Variants in ACOXL observed in about 807,000 individuals in gnomAD.
ACOXL encodes the protein acyl-CoA oxidase like.
In ACOXL, 70 loss-of-function variants were observed where a neutral mutation model predicts 71.9. That is an observed-to-expected ratio of 0.97 (90% CI 0.80 to 1.19). The LOEUF is 1.19. Ranked by LOEUF, ACOXL falls within the 50% of genes most tolerant of loss-of-function variation. The pLI, the probability that ACOXL is intolerant of heterozygous loss-of-function variation, is 0.00. For missense variants in ACOXL, 703 were observed against 736.3 expected, an observed-to-expected ratio of 0.95 and a Z score of 0.52; for synonymous variants, 253 against 281.6, an observed-to-expected ratio of 0.90 and a Z score of 1.02.
chr2:110,868,240 A>G (rs1364307043), intron 10 of ACOXL, among the ~76,000 whole-genome samples: 1 of 152,232 alleles, frequency 6.6e-6, no homozygotes, highest in Non-Finnish European at 1.5e-5. Flanking sequence ...GAGTTTCTAA[A>G]TGAAACTTAC....
At chr2:110,859,458 G>A (rs529290929) in intron 10 of ACOXL, among the ~76,000 whole-genome samples, 1 of 152,294 alleles carries the variant, frequency 6.6e-6, no homozygotes, top group East Asian at 1.9e-4. Context: ...AGAAAACACA[G>A]ACAATCTATT....
At chr2:110,773,505 A>C (rs1261307766) in intron 2 of ACOXL, among the ~76,000 whole-genome samples, 1 of 152,110 alleles carries the variant, frequency 6.6e-6, no homozygotes, top group Non-Finnish European at 1.5e-5. Context: ...GTTGCCCACA[A>C]CTTCCAGTGC....
intron 14 of ACOXL, among the ~76,000 whole-genome samples, chr2:111,009,453 G>T (rs1274187132): frequency 6.6e-6 from 1 of 151,166 alleles, no homozygotes; most frequent in Non-Finnish European, 1.5e-5. Context: ...GGTGGAGGTT[G>T]CAGTGAGCCA....
At chr2:110,890,756 A>G (rs1697836572) in intron 10 of ACOXL, among the ~76,000 whole-genome samples, 1 of 151,942 alleles carries the variant, frequency 6.6e-6, no homozygotes, top group South Asian at 2.1e-4. Context: ...GTCTTTCAAC[A>G]TTATTCTTTT....
chr2:111,078,397 G>A (rs2067715603), intron 16 of ACOXL, among the ~76,000 whole-genome samples: 2 of 152,054 alleles, frequency 1.3e-5, no homozygotes, highest in African/African-American at 2.4e-5. Flanking sequence ...CCAAGTAGCT[G>A]GGATTGCAGG....
chr2:110,944,895 G>C (rs1172621156), intron 12 of ACOXL, among the ~76,000 whole-genome samples: 2 of 152,198 alleles, frequency 1.3e-5, no homozygotes, highest in African/African-American at 2.4e-5. Flanking sequence ...TGGTAATTCT[G>C]TTTTAAGTTC....
intron 17 of ACOXL, among the ~76,000 whole-genome samples, chr2:111,103,156 G>C (rs933515699): frequency 6.6e-6 from 1 of 152,104 alleles, no homozygotes; most frequent in African/African-American, 2.4e-5. Context: ...TTAGCCAGGC[G>C]TGGTGGCATG....
At chr2:110,872,976 A>G (rs1295401692) in intron 10 of ACOXL, among the ~76,000 whole-genome samples, 1 of 152,206 alleles carries the variant, frequency 6.6e-6, no homozygotes, top group Non-Finnish European at 1.5e-5. Context: ...TATATTTTGT[A>G]GTAAAAACTT....
At chr2:111,107,855 G>C (rs769675273) in intron 17 of ACOXL, among the ~76,000 whole-genome samples, 29 of 152,320 alleles carry the variant, frequency 1.9e-4, no homozygotes, top group Admixed American at 3.3e-4. Flanking sequence ...GAGTTCGTTT[G>C]GGCCCAGATC....
At chr2:110,815,512 A>G (rs1184559891) in intron 9 of ACOXL, among the ~76,000 whole-genome samples, 1 of 152,180 alleles carries the variant, frequency 6.6e-6, no homozygotes, top group African/African-American at 2.4e-5. Context: ...AAACTTCAAT[A>G]CAGGGACCTT....
intron 10 of ACOXL, among the ~76,000 whole-genome samples, chr2:110,880,493 T>C (rs1256422058): frequency 1.3e-5 from 2 of 152,230 alleles, no homozygotes; most frequent in Non-Finnish European, 2.9e-5. Flanking sequence ...CACTTCTGTT[T>C]TTATGCTTTT....
chr2:111,062,723 C>A (rs2066880046), intron 16 of ACOXL, among the ~76,000 whole-genome samples: 1 of 151,884 alleles, frequency 6.6e-6, no homozygotes, highest in African/African-American at 2.4e-5. Flanking sequence ...AAGTTTCAAA[C>A]CAGTGACCTA....
At position 110,950,710 on chromosome 2, in the gene ACOXL, A is replaced by G. The variant is rs549731719; in HGVS notation, c.1059+17068A>G. 6.6e-5 allele frequency among the ~76,000 whole-genome samples: 10 copies of G among 152,236 alleles called. No individual in the cohort carries two copies. In the East Asian group the frequency reaches 9.7e-4, roughly 15 times the overall value. On this transcript the variant is annotated intron_variant, in intron 12 of 17. Coordinates refer to ENST00000439055, the MANE Select transcript of ACOXL (RefSeq NM_001142807.4). ...ACTTCTGAATTTGTGATCATCTTAC[A>G]TCTTAGTTAAGATTATTTTGGATGC...
chr2:111,019,731 C>T (rs2064653811), intron 14 of ACOXL, among the ~76,000 whole-genome samples: 1 of 152,232 alleles, frequency 6.6e-6, no homozygotes, highest in Admixed American at 6.5e-5. Context: ...TGGAAGACAG[C>T]GTGCGTGAAA....
intron 10 of ACOXL, among the ~76,000 whole-genome samples, chr2:110,898,656 T>C (rs1384171963): frequency 6.6e-6 from 1 of 152,222 alleles, no homozygotes; most frequent in African/African-American, 2.4e-5. Context: ...AAGGACTGAA[T>C]TATTTCCCTT....
In ACOXL at chr2:110,915,366, GTGTGTGTGTGTGTGTATGTA is replaced by G. The variant is rs1438749649; in HGVS notation, c.905+6479_905+6498del. ...TATATATATATGTGTGTGTGTGTGT[GTGTGTGTGTGTGTGTATGTA>G]TGTGTGTGTGTGTGTATATACATAT... On this transcript the variant is annotated intron_variant, in intron 11 of 17. Coordinates refer to ENST00000439055, the MANE Select transcript of ACOXL (RefSeq NM_001142807.4). Among the ~76,000 whole-genome samples, 27 of 141,020 alleles carry G rather than the reference GTGTGTGTGTGTGTGTATGTA, an allele frequency of 1.9e-4. No homozygotes were observed. In the East Asian group the frequency reaches 5.3e-3, roughly 28 times the overall value. The allele number at this position is 141,020 out of a possible 152,430, so 92.5% of individuals were successfully genotyped here.
intron 15 of ACOXL, among the ~76,000 whole-genome samples, chr2:111,034,182 C>T (rs2065404208): frequency 6.6e-6 from 1 of 152,222 alleles, no homozygotes; most frequent in Admixed American, 6.5e-5. Context: ...ATGTAGAGAG[C>T]ATGATATTTA....
chr2:110,967,865 C>T (rs2062000465), intron 12 of ACOXL: 2 of 1,267,692 alleles, frequency 1.6e-6, no homozygotes, highest in Non-Finnish European at 2.3e-6. Context: ...AAGAATAAGG[C>T]CTACTTTAAG....
At chr2:110,766,646 C>T (rs1288134672) in intron 1 of ACOXL, among the ~76,000 whole-genome samples, 2 of 152,176 alleles carry the variant, frequency 1.3e-5, no homozygotes, top group Non-Finnish European at 2.9e-5. Context: ...TCTCTCCTAC[C>T]ACCTCCTTTT....
Sources: gnomAD v4.1 joint callset for allele counts (sites outside exome capture counted in the v4.1 genomes callset) on GRCh38, gnomAD v4.1.1 for gene constraint, MANE v1.5 for transcripts, NCBI Gene and HGNC (gene_info 2026-07-23, HGNC 2026-07-21) for gene names.